Variants in CAPN10 observed in about 807,000 individuals in gnomAD.
CAPN10 encodes the protein calpain-10.
Under a neutral mutation model 78.4 loss-of-function variants are expected in CAPN10, and 71 were observed. That is an observed-to-expected ratio of 0.91 (90% confidence interval 0.75 to 1.10). CAPN10 has a LOEUF of 1.10. Ranked by LOEUF, CAPN10 falls within the 50% of genes least tolerant of loss-of-function variation. CAPN10 has a pLI of 0.00. For synonymous variants in CAPN10, 437 were observed against 407.2 expected, an observed-to-expected ratio of 1.07 and a Z score of -0.88; for missense variants, 849 against 924.6, an observed-to-expected ratio of 0.92 and a Z score of 1.06.
intron 7 of CAPN10, chr2:240,595,987 A>G (rs1479539180): frequency 2.9e-5 from 41 of 1,398,888 alleles, no homozygotes; most frequent in East Asian, 1.9e-4. Flanking sequence ...TGTGGCCCAC[A>G]TGATGTTCCT....
At chr2:240,592,400 C>T (rs1442037067) in intron 4 of CAPN10, 8 of 696,124 alleles carry the variant, frequency 1.1e-5, no homozygotes, top group Non-Finnish European at 2.1e-5. Flanking sequence ...AGAGGTGGCA[C>T]CGAGTCAAAG....
intron 3 of CAPN10, chr2:240,591,485 A>G (rs2093101690): frequency 4.2e-6 from 1 of 235,712 alleles, no homozygotes; most frequent in African/African-American, 2.3e-5. Flanking sequence ...CTTAGAATGC[A>G]TTTGTCTTCT....
At chr2:240,598,134 G>A (rs755764680) in intron 10 of CAPN10, 47 bp downstream of exon 10, 2 of 1,550,984 alleles carry the variant, frequency 1.3e-6, no homozygotes, top group South Asian at 2.3e-5. Flanking sequence ...CTGGGGTGCT[G>A]GAGTCTTAGT....
rs752145707 is a variant in CAPN10 at position 240,595,265 on chromosome 2, G to A, written c.1239G>A (p.Pro413=). 28 of 1,613,406 alleles carry A rather than the reference G, an allele frequency of 1.7e-5. No individual in the cohort carries two copies. The highest frequency in any genetic ancestry group is 9.3e-5 in the African/African-American group (7 of 74,916). Residue 413 remains proline (P), a synonymous_variant, in exon 7 of 12, where the codon CCG becomes CCA. Coordinates refer to ENST00000391984, the MANE Select transcript of CAPN10 (RefSeq NM_023083.4). ...CTTCGTGGAGCCCAGCGAGCATCCC[G>A]GGCAAGCACTACCAGGCTGTGGGTC... The part of the protein sequence containing the change: ...SHTSWSPASI[P]GKHYQAVGLH...
At chr2:240,593,058 C>A (rs1223994393) in intron 4 of CAPN10, among the ~76,000 whole-genome samples, 1 of 152,210 alleles carries the variant, frequency 6.6e-6, no homozygotes, top group African/African-American at 2.4e-5. Flanking sequence ...GCCTGGAGGG[C>A]GTGTACTCCC....
intron 4 of CAPN10, chr2:240,592,793 C>G: frequency 4.5e-6 from 1 of 220,420 alleles, no homozygotes; most frequent in Non-Finnish European, 9.2e-6. Flanking sequence ...ATGTTCGCCC[C>G]ATGAGCGGGT....
intron 3 of CAPN10, chr2:240,591,347 C>T: frequency 3.4e-6 from 1 of 291,676 alleles, no homozygotes; most frequent in South Asian, 5.7e-5. Flanking sequence ...TTGGGACAGG[C>T]AGACTCATTG....
intron 5 of CAPN10, 178 bp from the exon 6 acceptor site, chr2:240,594,365 G>A (rs2093122163): frequency 2.9e-6 from 2 of 697,468 alleles, no homozygotes; most frequent in African/African-American, 3.5e-5. Flanking sequence ...CCGCTGCCCA[G>A]AAGGCCCTGT....
At chr2:240,594,316 C>G (rs767611351) in intron 5 of CAPN10, 1 of 614,164 alleles carries the variant, frequency 1.6e-6, no homozygotes, top group Non-Finnish European at 2.9e-6. Flanking sequence ...CATCCAGAGG[C>G]GTGAAGTTCC....
At position 240,596,801 on chromosome 2, in the gene CAPN10, C is replaced by G. The variant is rs1412827692; in HGVS notation, c.1602C>G (p.Asn534Lys). The G allele has an allele frequency of 6.2e-7, 1 of 1,613,114 alleles. No individual in the cohort carries two copies. The highest frequency in any genetic ancestry group is 1.3e-5 in the African/African-American group (1 of 75,058). Residue 534 changes from asparagine (N) to lysine (K), a missense_variant, in exon 9 of 12, where the codon AAC becomes AAG. By Grantham distance (94) the Asn-to-Lys change is moderately conservative. Coordinates refer to ENST00000391984, the MANE Select transcript of CAPN10 (RefSeq NM_023083.4). Reference protein sequence around the residue: ...RVGQTAGGSRNFASYPTNPCF... With the variant: ...RVGQTAGGSRKFASYPTNPCF... ...GCCAGACGGCGGGGGGCAGCAGGAA[C>G]TTTGCCTCATACCCCACCAACCCCT...
rs2093129569 is a variant in CAPN10 at position 240,595,251 on chromosome 2, C to T, written c.1225C>T (p.Pro409Ser). 6.2e-7 allele frequency: 1 copy of T among 1,613,494 alleles called. No individual in the cohort carries two copies. Among genetic ancestry groups the T allele is most frequent in the Non-Finnish European group, 8.5e-7 (1 of 1,180,034 alleles). Residue 409 changes from proline to serine, a missense_variant, in exon 7 of 12, where the codon CCA becomes TCA. By Grantham distance (74) the Pro-to-Ser change is moderately conservative. Transcript: ENST00000391984. ...LVGDSHTSWS[P>S]ASIPGKHYQA... ...GGGTGACAGTCATACTTCGTGGAGC[C>T]CAGCGAGCATCCCGGGCAAGCACTA...
At chr2:240,587,391 C>T (rs1046927477) in intron 1 of CAPN10, among the ~76,000 whole-genome samples, 2 of 152,238 alleles carry the variant, frequency 1.3e-5, no homozygotes, top group Admixed American at 1.3e-4. Flanking sequence ...GCGTTTGTGT[C>T]TGCTCCTCCC....
chr2:240,592,107 G>A lies in CAPN10; in HGVS notation c.645G>A (p.Lys215=). ...HRTCRQLLHL[K]DQCLISCCVL... Reference sequence around the variant, plus strand: ...CTTGTCGGCAGCTGCTCCACCTGAAGGACCAGTGTCTGATCAGCTGCTGCG... The same window carrying A: ...CTTGTCGGCAGCTGCTCCACCTGAAAGACCAGTGTCTGATCAGCTGCTGCG... The change falls in exon 4 of 12, where the codon AAG becomes AAA. Residue 215 remains lysine, a synonymous_variant. Transcript: ENST00000391984. 6.3e-7 allele frequency: 1 copy of A among 1,588,518 alleles called. No individual in the cohort carries two copies. The highest frequency in any genetic ancestry group is 2.3e-5 in the East Asian group (1 of 43,996).
At chr2:240,597,101 A>G (rs2093141854) in intron 9 of CAPN10, among the ~76,000 whole-genome samples, 159 bp downstream of exon 9, 1 of 152,182 alleles carries the variant, frequency 6.6e-6, no homozygotes, top group African/African-American at 2.4e-5. Context: ...GCCCTCTCCC[A>G]TCTCCAACCT....
rs745937394 is a variant in CAPN10 at position 240,596,840 on chromosome 2, G to A, written c.1641G>A (p.Ser547=). ...SYPTNPCFPF[S]VPEGPGPRCV... is the part of the protein sequence containing the mutation. ...CCACCAACCCCTGCTTCCCCTTCTC[G>A]GTCCCCGAGGGCCCTGGCCCCCGCT... Residue 547 remains serine (S), a synonymous_variant, in exon 9 of 12, where the codon TCG becomes TCA. Transcript: ENST00000391984. 5.0e-6 allele frequency: 8 copies of A among 1,613,454 alleles called. No homozygotes were observed. Among genetic ancestry groups the A allele is most frequent in the Middle Eastern group, 1.7e-4 (1 of 6,060 alleles).
intron 4 of CAPN10, chr2:240,592,672 T>C (rs1218398586): frequency 8.2e-6 from 3 of 364,060 alleles, no homozygotes; most frequent in Non-Finnish European, 1.7e-5. Context: ...AAAAATCACT[T>C]AGATGGAACC....
Position 240,586,911 on chromosome 2 carries a change from G to A in CAPN10, c.-1G>A. 1 of 1,419,476 alleles carries A rather than the reference G, an allele frequency of 7.0e-7. No individual in the cohort carries two copies. Among genetic ancestry groups the A allele is most frequent in the South Asian group, 1.4e-5 (1 of 69,052 alleles). 87.9% of individuals were successfully genotyped at this position (1,419,476 alleles called of 1,614,324 possible). ...GCAGATGGGAGCCCGCGGAGCCGAG[G>A]ATGCGGGCGGGCCGGGGCGCGACGC... On this transcript the variant is annotated 5_prime_UTR_variant, in exon 1 of 12. Transcript: ENST00000391984.
intron 1 of CAPN10, 36 bp from the exon 2 acceptor site, chr2:240,589,307 G>C (rs924116181): frequency 1.2e-6 from 2 of 1,613,836 alleles, no homozygotes; most frequent in Non-Finnish European, 1.7e-6. Context: ...TCCACAGCAG[G>C]CATGATCTAA....
chr2:240,589,909 G>C (rs1257015652), intron 2 of CAPN10: 2 of 161,646 alleles, frequency 1.2e-5, no homozygotes, highest in Admixed American at 5.9e-5. Flanking sequence ...TCTGTGGGTA[G>C]ACAGATACTC....
Sources: gnomAD v4.1 joint callset for allele counts (sites outside exome capture counted in the v4.1 genomes callset) on GRCh38, gnomAD v4.1.1 for gene constraint, MANE v1.5 for transcripts, NCBI Gene and HGNC (gene_info 2026-07-23, HGNC 2026-07-21) for gene names.